Variants in PKD1L3 observed in about 807,000 individuals in gnomAD.
PKD1L3 encodes the protein polycystin 1 like 3, transient receptor potential channel interacting, also known as polycystin-1-like protein 3.
A neutral mutation model predicts 184.1 loss-of-function variants in PKD1L3; 239 were observed. That is an observed-to-expected ratio of 1.30 (90% CI 1.17 to 1.45). The LOEUF (loss-of-function observed/expected upper bound fraction) is 1.45, where lower values mean the gene tolerates loss of function less well. Among genes scored for constraint, PKD1L3 ranks in the 40% most tolerant of loss-of-function variants. The pLI is 0.00. For missense variants in PKD1L3, 2,660 were observed against 2,067.2 expected, an observed-to-expected ratio of 1.29 and a Z score of -5.56; for synonymous variants, 996 against 778.8, an observed-to-expected ratio of 1.28 and a Z score of -4.64.
intron 19 of PKD1L3, 139 bp downstream of exon 19, chr16:71,951,425 A>G (rs1177791154): frequency 6.2e-6 from 5 of 812,680 alleles, no homozygotes; most frequent in Non-Finnish European, 9.5e-6. Context: ...TATCAACTCT[A>G]TACTAGAAGC....
At chr16:71,984,006 C>G in intron 6 of PKD1L3, 30 bp downstream of exon 6, 1 of 1,550,086 alleles carries the variant, frequency 6.5e-7, no homozygotes, top group Non-Finnish European at 8.7e-7. Context: ...TCTCTCCTAC[C>G]TTCTTCCCTC....
At chr16:71,997,420 C>T (rs1005969192) in intron 2 of PKD1L3, among the ~76,000 whole-genome samples, 3 of 151,498 alleles carry the variant, frequency 2.0e-5, no homozygotes, top group Non-Finnish European at 3.0e-5. Context: ...GACCCCCCCC[C>T]CCACAACCAC....
At chr16:71,990,429 A>G in intron 3 of PKD1L3, 100 bp from the exon 4 acceptor site, 1 of 1,027,308 alleles carries the variant, frequency 9.7e-7, no homozygotes, top group South Asian at 1.5e-5. Context: ...AATAATGCAA[A>G]TTGTTTTACA....
At chr16:71,976,952 C>T (rs555297472) in intron 11 of PKD1L3, among the ~76,000 whole-genome samples, 2 of 152,138 alleles carry the variant, frequency 1.3e-5, no homozygotes, top group Non-Finnish European at 2.9e-5. Context: ...ACTGTGTTAG[C>T]CAGGATGGTC....
At chr16:71,963,163 G>C (rs1315872043) in intron 16 of PKD1L3, 42 bp downstream of exon 16, 2 of 1,479,408 alleles carry the variant, frequency 1.4e-6, no homozygotes, top group Non-Finnish European at 1.8e-6. Flanking sequence ...AATTAATAGT[G>C]AACATCAATA....
chr16:71,932,860 G>T (rs994774842), intron 28 of PKD1L3, among the ~76,000 whole-genome samples: 3 of 141,786 alleles, frequency 2.1e-5, no homozygotes, highest in African/African-American at 8.0e-5. Flanking sequence ...GCTTATTGCA[G>T]CTTCCAACTC....
chr16:71,969,888 G>A lies in PKD1L3; in HGVS notation c.2171C>T (p.Ala724Val). ...AAGTCTCATTACCTTCTGCATATCTGCTTGATCCTTTTTCCGAGCCCACAC... is the reference window on the plus strand; with the variant it reads ...AAGTCTCATTACCTTCTGCATATCTACTTGATCCTTTTTCCGAGCCCACAC... ...TVVWARKKDQ[A>V]DMQKVKVTVL... The change falls in exon 13 of 30, where the codon GCA becomes GTA. Residue 724 changes from alanine to valine, a missense_variant. Physicochemically the swap from Ala to Val is moderately conservative, Grantham distance 64. Coordinates refer to ENST00000620267, the MANE Select transcript of PKD1L3 (RefSeq NM_181536.2). The A allele has an allele frequency of 6.5e-7, 1 of 1,549,494 alleles. No homozygotes were observed. Among genetic ancestry groups the A allele is most frequent in the Non-Finnish European group, 8.7e-7 (1 of 1,144,952 alleles).
chr16:71,979,191 C>G (rs1462124154), intron 9 of PKD1L3, among the ~76,000 whole-genome samples: 1 of 152,112 alleles, frequency 6.6e-6, no homozygotes, highest in Non-Finnish European at 1.5e-5. Context: ...CACCTGTAAT[C>G]CCAGCACTAC....
At chr16:71,966,421 G>T (rs2039503123) in intron 15 of PKD1L3, among the ~76,000 whole-genome samples, 1 of 150,088 alleles carries the variant, frequency 6.7e-6, no homozygotes, top group Non-Finnish European at 1.5e-5. Flanking sequence ...TTAAGATCTT[G>T]ACTTTTTTTT....
chr16:71,929,879 G>A, intron 29 of PKD1L3, 173 bp downstream of exon 29: 1 of 992,604 alleles, frequency 1.0e-6, no homozygotes, highest in Non-Finnish European at 1.4e-6. Context: ...AGAATATTAT[G>A]TAGTCTTATA....
At chr16:71,976,262 G>GTTTTTTTTTTTTTTT (rs1567534640) in intron 11 of PKD1L3, among the ~76,000 whole-genome samples, 13 of 25,186 alleles carry the variant, frequency 5.2e-4, no homozygotes, top group Non-Finnish European at 7.0e-4. Flanking sequence ...TGCCCAGCCT[G>GTTTTTTTTTTTTTTT]TCTTTTTTTT....
In PKD1L3 at chr16:71,937,439, C is replaced by A. The variant is rs953307569; in HGVS notation, c.4325-20G>T. 7.8e-6 allele frequency: 12 copies of A among 1,548,168 alleles called. No individual in the cohort carries two copies. The highest frequency in any genetic ancestry group is 1.0e-5 in the Non-Finnish European group (12 of 1,145,988). On this transcript the variant is annotated intron_variant, in intron 24 of 29. Transcript: ENST00000620267. ...AAGCACCTGAGAATAACAAAGAACA[C>A]CTGGAGTCAAGAGTCTAAAACTTTT... is the stretch of plus-strand genomic sequence containing the variant.
intron 2 of PKD1L3, 142 bp downstream of exon 2, chr16:71,998,130 A>C: frequency 8.8e-7 from 1 of 1,135,904 alleles, no homozygotes; most frequent in Non-Finnish European, 1.2e-6. Flanking sequence ...CATGCTAATC[A>C]GCATCATGAA....
intron 2 of PKD1L3, among the ~76,000 whole-genome samples, chr16:71,997,877 G>A (rs2143914047): frequency 6.6e-6 from 1 of 152,256 alleles, no homozygotes; most frequent in East Asian, 1.9e-4. Context: ...TCGGATAACA[G>A]CCCTCTCACC....
chr16:71,983,970 C>T, intron 6 of PKD1L3, 66 bp downstream of exon 6: 2 of 1,533,460 alleles, frequency 1.3e-6, no homozygotes, highest in African/African-American at 1.4e-5. Flanking sequence ...GCCTCAGATT[C>T]TCTTTTTCTG....
chr16:71,937,993 G>T (rs2038236945), intron 24 of PKD1L3, among the ~76,000 whole-genome samples: 1 of 152,216 alleles, frequency 6.6e-6, no homozygotes, highest in South Asian at 2.1e-4. Flanking sequence ...CCGGGGCTTT[G>T]TGCGCTGTTG....
chr16:71,986,223 G>A lies in PKD1L3; in HGVS notation c.832C>T (p.Gln278Ter). ...TGACTTGAATTTCCCATGTTTACCTGACCAGATGCCTTCTGCAATGACACT... is the reference window on the plus strand; with the variant it reads ...TGACTTGAATTTCCCATGTTTACCTAACCAGATGCCTTCTGCAATGACACT... ...LQVSLQKASG[Q>*]VIDEIAGNFS... The change falls in exon 5 of 30, where the codon CAG (glutamine) becomes TAG (stop). Residue 278 changes from glutamine (Q) to a stop codon, truncating the protein, a stop_gained and splice_region_variant. Transcript: ENST00000620267. LOFTEE classifies it high-confidence loss of function. 1.3e-6 allele frequency: 2 copies of A among 1,552,186 alleles called. No individual in the cohort carries two copies. Among genetic ancestry groups the A allele is most frequent in the Non-Finnish European group, 1.7e-6 (2 of 1,147,064 alleles).
chr16:71,971,683 C>A (rs2039715922), intron 12 of PKD1L3, among the ~76,000 whole-genome samples: 1 of 152,162 alleles, frequency 6.6e-6, no homozygotes, highest in South Asian at 2.1e-4. Flanking sequence ...GTTAGAAAGG[C>A]CTGACCAGAG....
intron 11 of PKD1L3, among the ~76,000 whole-genome samples, chr16:71,976,626 G>T (rs1324973853): frequency 6.6e-6 from 1 of 151,654 alleles, no homozygotes; most frequent in African/African-American, 2.4e-5. Flanking sequence ...TTTTAAAAAA[G>T]AAAAAAAAGT....
Sources: allele counts gnomAD v4.1 joint callset (sites outside exome capture counted in the v4.1 genomes callset), GRCh38; gene constraint gnomAD v4.1.1; transcripts MANE v1.5; gene names NCBI Gene and HGNC (gene_info 2026-07-23, HGNC 2026-07-21).